CACNA2D1: variants seen among roughly 807,000 people sequenced by gnomAD.
CACNA2D1 encodes voltage-dependent calcium channel subunit alpha-2/delta-1.
In CACNA2D1, 53 loss-of-function variants were observed where a neutral mutation model predicts 171.5. That is an observed-to-expected ratio of 0.31 (90% CI 0.25 to 0.39). The LOEUF (loss-of-function observed/expected upper bound fraction) is 0.39. Ranked by LOEUF, CACNA2D1 falls within the 10% of genes least tolerant of loss-of-function variation. The probability of loss-of-function intolerance (pLI) is 1.00; values close to 1 mark genes in which losing one functional copy is unlikely to be tolerated. For synonymous variants in CACNA2D1, 442 were observed against 443.1 expected (o/e 1.00, Z 0.03); for missense variants, 903 against 1,299.8 (o/e 0.69, Z 4.69).
chr7:82,359,963 T>G (rs1226014934), intron 1 of CACNA2D1, among the ~76,000 whole-genome samples: 2 of 152,224 alleles, frequency 1.3e-5, no homozygotes, highest in African/African-American at 4.8e-5. Context: ...GATACCGTTA[T>G]TAGTCCTACT....
chr7:82,069,901 T>C (rs912515543), intron 7 of CACNA2D1, among the ~76,000 whole-genome samples: 2 of 152,166 alleles, frequency 1.3e-5, no homozygotes, highest in African/African-American at 2.4e-5. Context: ...GTAAATTTCA[T>C]ATACTCAACA....
intron 3 of CACNA2D1, among the ~76,000 whole-genome samples, chr7:82,322,522 G>T (rs1816123586): frequency 6.6e-6 from 1 of 151,592 alleles, no homozygotes; most frequent in Non-Finnish European, 1.5e-5. Context: ...AAGAGGCCAA[G>T]GCAGGAAGAC....
At chr7:82,274,205 G>A (rs1809022026) in intron 3 of CACNA2D1, among the ~76,000 whole-genome samples, 1 of 134,076 alleles carries the variant, frequency 7.5e-6, no homozygotes, top group South Asian at 2.1e-4. Flanking sequence ...TCTCACGACT[G>A]TATCTTCCTC....
intron 3 of CACNA2D1, among the ~76,000 whole-genome samples, chr7:82,190,551 C>G (rs1468532858): frequency 3.3e-5 from 5 of 151,592 alleles, no homozygotes; most frequent in Non-Finnish European, 7.4e-5. Context: ...TTAATCAACC[C>G]AGTAGTGTGT....
At chr7:82,064,516 C>T (rs183990825) in intron 8 of CACNA2D1, among the ~76,000 whole-genome samples, 162 bp from the exon 9 acceptor site, 1 of 152,164 alleles carries the variant, frequency 6.6e-6, no homozygotes, top group East Asian at 1.9e-4. Flanking sequence ...TCTTCAATGT[C>T]AGTTTGATAA....
intron 24 of CACNA2D1, among the ~76,000 whole-genome samples, chr7:81,975,734 G>A (rs1041088097): frequency 8.6e-5 from 13 of 152,010 alleles, no homozygotes; most frequent in Non-Finnish European, 1.0e-4. Flanking sequence ...TCCAAATAAT[G>A]ACACATTATA....
chr7:82,308,651 C>G (rs1283360159), intron 3 of CACNA2D1, among the ~76,000 whole-genome samples: 1 of 152,218 alleles, frequency 6.6e-6, no homozygotes, highest in African/African-American at 2.4e-5. Flanking sequence ...GAATCTCCCT[C>G]TCTACACCAA....
intron 3 of CACNA2D1, among the ~76,000 whole-genome samples, chr7:82,188,683 G>A (rs1475204698): frequency 6.6e-6 from 1 of 152,066 alleles, no homozygotes; most frequent in Non-Finnish European, 1.5e-5. Flanking sequence ...ATACCCAAAG[G>A]AATAGAAATC....
chr7:82,432,540 T>A (rs978981722), intron 1 of CACNA2D1, among the ~76,000 whole-genome samples: 2 of 152,238 alleles, frequency 1.3e-5, no homozygotes, highest in Non-Finnish European at 2.9e-5. Context: ...GAGATGAGCC[T>A]ATGTTGCCCA....
At chr7:82,396,261 A>C (rs1825749197) in intron 1 of CACNA2D1, among the ~76,000 whole-genome samples, 1 of 152,072 alleles carries the variant, frequency 6.6e-6, no homozygotes, top group East Asian at 1.9e-4. Flanking sequence ...AGGCAGGAGG[A>C]TCGCCTGAGC....
intron 6 of CACNA2D1, among the ~76,000 whole-genome samples, chr7:82,109,449 G>A (rs886163682): frequency 2.0e-5 from 3 of 152,032 alleles, no homozygotes; most frequent in South Asian, 2.1e-4. Context: ...AATTTGTCAC[G>A]GTGAGGATAT....
Position 82,185,403 on chromosome 7 carries a change from G to C in CACNA2D1, c.295-14794C>G, listed in dbSNP as rs150202331. On this transcript the variant is annotated intron_variant, in intron 3 of 38. Transcript: ENST00000356860. ...ATTACCCACCCCGATAACTCAAAAG[G>C]AGCAATGTTACTATCAATAAGAAAA... 9.5e-3 allele frequency among the ~76,000 whole-genome samples: 1,397 copies of C among 147,032 alleles called. 17 individuals are homozygous for C. The highest frequency in any genetic ancestry group is 0.013 in the Non-Finnish European group (892 of 67,026).
chr7:82,002,805 A>C (rs564343284), intron 18 of CACNA2D1, among the ~76,000 whole-genome samples: 5 of 152,272 alleles, frequency 3.3e-5, no homozygotes, highest in Non-Finnish European at 7.4e-5. Context: ...ATGAATCCTT[A>C]AAAAATTAAA....
intron 18 of CACNA2D1, among the ~76,000 whole-genome samples, chr7:81,997,907 T>C (rs572155990): frequency 1.2e-3 from 190 of 152,098 alleles, no homozygotes; most frequent in Non-Finnish European, 2.3e-3. Context: ...AAAGTCTTAC[T>C]AGGATAATAA....
At chr7:82,204,926 CATT>C (rs1331418440) in intron 3 of CACNA2D1, among the ~76,000 whole-genome samples, 2 of 152,196 alleles carry the variant, frequency 1.3e-5, no homozygotes, top group Non-Finnish European at 2.9e-5. Context: ...CAACTCCACT[CATT>C]ATGTAACCAT....
At chr7:82,183,031 C>T (rs1159071701) in intron 3 of CACNA2D1, among the ~76,000 whole-genome samples, 1 of 125,016 alleles carries the variant, frequency 8.0e-6, no homozygotes, top group Non-Finnish European at 1.7e-5. Context: ...TGTGAGACTC[C>T]ATCTTAAAAA....
intron 38 of CACNA2D1, among the ~76,000 whole-genome samples, chr7:81,956,843 C>T (rs948441636): frequency 1.6e-4 from 15 of 94,790 alleles, no homozygotes; most frequent in Admixed American, 3.1e-4. Flanking sequence ...AATTGCAAAA[C>T]AGTAAATGAA....
chr7:82,160,067 C>T (rs1481697136), intron 4 of CACNA2D1, among the ~76,000 whole-genome samples: 1 of 151,820 alleles, frequency 6.6e-6, no homozygotes, highest in Non-Finnish European at 1.5e-5. Flanking sequence ...ATGTATCATT[C>T]GGAAACCAGT....
intron 12 of CACNA2D1, among the ~76,000 whole-genome samples, chr7:82,031,620 CA>C (rs1167865081): frequency 6.6e-6 from 1 of 151,836 alleles, no homozygotes; most frequent in Non-Finnish European, 1.5e-5. Context: ...TGTATTATTT[CA>C]GTCTTTTGAT....
Sources: allele counts gnomAD v4.1 joint callset (sites outside exome capture counted in the v4.1 genomes callset), GRCh38; gene constraint gnomAD v4.1.1; transcripts MANE v1.5; gene names NCBI Gene and HGNC (gene_info 2026-07-23, HGNC 2026-07-21).